The following ADGRA3 variants were observed in gnomAD, a reference collection of about 807,000 sequenced individuals.
The protein encoded by ADGRA3 is G-protein coupled receptor 125.
A neutral mutation model predicts 119.8 loss-of-function variants in ADGRA3; 56 were observed. That is an observed-to-expected ratio of 0.47 (90% CI 0.38 to 0.58). The LOEUF is 0.58. ADGRA3 is among the 20% of genes least tolerant of loss of function. The pLI is 0.00. For synonymous variants in ADGRA3, 607 were observed against 623.8 expected, an observed-to-expected ratio of 0.97 and a Z score of 0.40; for missense variants, 1,516 against 1,649.0, an observed-to-expected ratio of 0.92 and a Z score of 1.40.
chr4:22,481,050 A>C (rs1439945615), intron 1 of ADGRA3, among the ~76,000 whole-genome samples: 1 of 152,128 alleles, frequency 6.6e-6, no homozygotes, highest in East Asian at 1.9e-4. Context: ...AAAACAATAA[A>C]AATTTCCACA....
chr4:22,452,345 C>T (rs1717076283), intron 4 of ADGRA3, among the ~76,000 whole-genome samples: 1 of 152,098 alleles, frequency 6.6e-6, no homozygotes, highest in Non-Finnish European at 1.5e-5. Context: ...GACTTGACCA[C>T]CATGCAATCT....
intron 1 of ADGRA3, among the ~76,000 whole-genome samples, chr4:22,495,678 G>T (rs1294171418): frequency 6.6e-6 from 1 of 151,994 alleles, no homozygotes; most frequent in Non-Finnish European, 1.5e-5. Flanking sequence ...GGAGGCCAGG[G>T]CGGGTGGATG....
At chr4:22,474,014 CTATT>C (rs1412332730) in intron 1 of ADGRA3, among the ~76,000 whole-genome samples, 171 bp from the exon 2 acceptor site, 4 of 152,166 alleles carry the variant, frequency 2.6e-5, no homozygotes, top group Non-Finnish European at 4.4e-5. Flanking sequence ...GAGAAACCAA[CTATT>C]TAAAGTAGTT....
chr4:22,428,891 C>T (rs1335930124), intron 10 of ADGRA3, among the ~76,000 whole-genome samples: 2 of 152,066 alleles, frequency 1.3e-5, no homozygotes, highest in African/African-American at 2.4e-5. Context: ...AAGGTTAAAG[C>T]TCTGATTTTA....
At position 22,413,629 on chromosome 4, in the gene ADGRA3, C is replaced by CA. The variant is rs752436150; in HGVS notation, c.1994dup (p.Val666GlyfsTer22). ...TTTTGGTGAGAATCACAGGGGTAAC[C>CA]ACAGTACGTCGTTTTCCATCATCAG... On this transcript the variant is annotated frameshift_variant, in exon 13 of 19. Coordinates refer to ENST00000334304, the MANE Select transcript of ADGRA3 (RefSeq NM_145290.4). LOFTEE classifies it high-confidence loss of function. 1.1e-5 allele frequency: 18 copies of CA among 1,613,814 alleles called. No homozygotes were observed. Among genetic ancestry groups the CA allele is most frequent in the Non-Finnish European group, 1.5e-5 (18 of 1,179,926 alleles).
At chr4:22,455,339 G>A (rs984839406) in intron 3 of ADGRA3, among the ~76,000 whole-genome samples, 2 of 152,084 alleles carry the variant, frequency 1.3e-5, no homozygotes, top group Non-Finnish European at 2.9e-5. Flanking sequence ...GTAAATGACA[G>A]ATAATGGATA....
chr4:22,497,326 T>C (rs1309069043), intron 1 of ADGRA3, among the ~76,000 whole-genome samples: 1 of 152,034 alleles, frequency 6.6e-6, no homozygotes, highest in Non-Finnish European at 1.5e-5. Context: ...TGTGTATTTG[T>C]ATACACAGTC....
chr4:22,471,561 G>A (rs1364682276), intron 2 of ADGRA3, among the ~76,000 whole-genome samples: 2 of 152,136 alleles, frequency 1.3e-5, no homozygotes, highest in African/African-American at 4.8e-5. Flanking sequence ...GGGCATGCAT[G>A]CCCCCGCCAC....
At chr4:22,395,091 A>C (rs1714296253) in intron 16 of ADGRA3, among the ~76,000 whole-genome samples, 2 of 152,372 alleles carry the variant, frequency 1.3e-5, no homozygotes, top group South Asian at 4.1e-4. Flanking sequence ...ATTATCTAGA[A>C]GTAATCTAAT....
chr4:22,510,664 A>C (rs1304748939), intron 1 of ADGRA3, among the ~76,000 whole-genome samples: 1 of 152,076 alleles, frequency 6.6e-6, no homozygotes. Flanking sequence ...TGGGCCAGCC[A>C]CCACCTGCCA....
chr4:22,476,178 G>C (rs759700940), intron 1 of ADGRA3, among the ~76,000 whole-genome samples: 1 of 152,038 alleles, frequency 6.6e-6, no homozygotes, highest in Non-Finnish European at 1.5e-5. Context: ...AGTTAGCACA[G>C]GCAAAACAGA....
chr4:22,496,899 A>G (rs9990711), intron 1 of ADGRA3, among the ~76,000 whole-genome samples: 23,327 of 152,242 alleles, frequency 0.15, 1,993 homozygotes, highest in African/African-American at 0.22. Flanking sequence ...ACAGATCATT[A>G]TTCAGTCCTG....
chr4:22,401,892 C>T (rs2109007478), intron 15 of ADGRA3, among the ~76,000 whole-genome samples: 1 of 152,240 alleles, frequency 6.6e-6, no homozygotes, highest in Non-Finnish European at 1.5e-5. Flanking sequence ...ACTGGATTAC[C>T]TGCTTGGCCA....
intron 2 of ADGRA3, among the ~76,000 whole-genome samples, chr4:22,472,573 G>A (rs1056717839): frequency 6.6e-6 from 1 of 151,832 alleles, no homozygotes; most frequent in African/African-American, 2.4e-5. Flanking sequence ...ACACACACAC[G>A]TATATAACCT....
At chr4:22,464,024 C>G (rs1282192849) in intron 2 of ADGRA3, among the ~76,000 whole-genome samples, 1 of 152,132 alleles carries the variant, frequency 6.6e-6, no homozygotes, top group Non-Finnish European at 1.5e-5. Flanking sequence ...CACAGGCACT[C>G]CTCAGTAGCT....
chr4:22,486,718 G>A (rs981734568), intron 1 of ADGRA3, among the ~76,000 whole-genome samples: 1 of 152,034 alleles, frequency 6.6e-6, no homozygotes, highest in Non-Finnish European at 1.5e-5. Flanking sequence ...AATAATTACC[G>A]AGCATTTAAT....
chr4:22,505,432 G>T (rs898777371), intron 1 of ADGRA3, among the ~76,000 whole-genome samples: 3 of 151,806 alleles, frequency 2.0e-5, no homozygotes, highest in Non-Finnish European at 4.4e-5. Context: ...TGAGGTGGGC[G>T]GATCATTTGA....
chr4:22,473,744 A>C, intron 2 of ADGRA3, 28 bp downstream of exon 2: 2 of 1,337,352 alleles, frequency 1.5e-6, no homozygotes, highest in Admixed American at 3.8e-5. Flanking sequence ...ACAAAATAAT[A>C]ATGAGATGAT....
chr4:22,393,848 T>C (rs761352182), intron 16 of ADGRA3: 2 of 152,188 alleles, frequency 1.3e-5, no homozygotes, highest in African/African-American at 2.4e-5. Flanking sequence ...AGGAATTGAA[T>C]GGACACAATT....
Sources: gnomAD v4.1 joint callset for allele counts (sites outside exome capture counted in the v4.1 genomes callset) on GRCh38, gnomAD v4.1.1 for gene constraint, MANE v1.5 for transcripts, NCBI Gene and HGNC (gene_info 2026-07-23, HGNC 2026-07-21) for gene names.